CSMD1: variants seen among roughly 807,000 people sequenced by gnomAD.
CSMD1 encodes CUB and sushi domain-containing protein 1.
In CSMD1, 213 loss-of-function variants were observed where a neutral mutation model predicts 417.5. That is an observed-to-expected ratio of 0.51 (90% CI 0.46 to 0.57). The LOEUF is 0.57. CSMD1 is among the 20% of genes least tolerant of loss of function. CSMD1 has a pLI of 0.00. For synonymous variants in CSMD1, 2,862 were observed against 1,736.8 expected (o/e 1.65, Z -16.11); for missense variants, 6,923 against 4,529.7 (o/e 1.53, Z -15.17).
At chr8:4,400,764 T>TTG (rs909582857) in intron 3 of CSMD1, among the ~76,000 whole-genome samples, 12 of 147,624 alleles carry the variant, frequency 8.1e-5, no homozygotes, top group African/African-American at 3.0e-4. Context: ...CAGATCAGTT[T>TTG]TTTTTTTTTT....
intron 5 of CSMD1, among the ~76,000 whole-genome samples, chr8:3,923,378 A>C (rs1341600677): frequency 6.6e-6 from 1 of 151,840 alleles, no homozygotes; most frequent in Non-Finnish European, 1.5e-5. Context: ...TCCCATTGCA[A>C]TTTCCTTATT....
intron 41 of CSMD1, among the ~76,000 whole-genome samples, chr8:3,131,953 G>C (rs1359038730): frequency 6.6e-6 from 1 of 152,120 alleles, no homozygotes; most frequent in Non-Finnish European, 1.5e-5. Flanking sequence ...CTAAATTCAT[G>C]GTCTTAACAG....
chr8:4,628,433 TATACAC>T (rs1471314492), intron 2 of CSMD1, among the ~76,000 whole-genome samples: 10 of 67,472 alleles, frequency 1.5e-4, no homozygotes, highest in East Asian at 4.6e-4. Context: ...TATATACACA[TATACAC>T]ATATATACAC....
chr8:2,999,468 C>G (rs1297061559), intron 53 of CSMD1, among the ~76,000 whole-genome samples: 1 of 152,086 alleles, frequency 6.6e-6, no homozygotes, highest in East Asian at 1.9e-4. Flanking sequence ...TTACCTCTTT[C>G]AAGTAAAAGA....
intron 5 of CSMD1, among the ~76,000 whole-genome samples, chr8:3,926,267 C>A (rs1391821810): frequency 6.6e-6 from 1 of 152,156 alleles, no homozygotes; most frequent in African/African-American, 2.4e-5. Flanking sequence ...AATCCATGTC[C>A]TCTCTAACCA....
At chr8:3,847,655 G>C (rs1803600906) in intron 5 of CSMD1, among the ~76,000 whole-genome samples, 1 of 152,038 alleles carries the variant, frequency 6.6e-6, no homozygotes, top group Non-Finnish European at 1.5e-5. Context: ...ACTGCCTTCA[G>C]CTGCTGCATT....
At chr8:4,115,484 A>G (rs1180692707) in intron 3 of CSMD1, among the ~76,000 whole-genome samples, 1 of 152,096 alleles carries the variant, frequency 6.6e-6, no homozygotes, top group African/African-American at 2.4e-5. Flanking sequence ...CTTTAGACGT[A>G]TTTTTTTACA....
At chr8:3,939,204 A>C (rs146954648) in intron 5 of CSMD1, among the ~76,000 whole-genome samples, 1 of 152,182 alleles carries the variant, frequency 6.6e-6, no homozygotes, top group Non-Finnish European at 1.5e-5. Context: ...ACCCAACACA[A>C]AAGTAATTCA....
intron 7 of CSMD1, among the ~76,000 whole-genome samples, chr8:3,703,665 G>C (rs930962402): frequency 2.6e-5 from 4 of 152,182 alleles, no homozygotes; most frequent in African/African-American, 7.2e-5. Context: ...AGCAGAGGAA[G>C]AGATGAGCCT....
intron 11 of CSMD1, among the ~76,000 whole-genome samples, chr8:3,470,795 G>A (rs1024564269): frequency 2.6e-5 from 4 of 152,050 alleles, no homozygotes; most frequent in Non-Finnish European, 4.4e-5. Context: ...CCTGGGATTG[G>A]ATTTTACTTA....
At chr8:3,827,204 T>C (rs1025345001) in intron 5 of CSMD1, among the ~76,000 whole-genome samples, 3 of 152,128 alleles carry the variant, frequency 2.0e-5, no homozygotes, top group African/African-American at 7.2e-5. Context: ...TCCCAAAGAG[T>C]AGGGACAAAC....
intron 3 of CSMD1, among the ~76,000 whole-genome samples, chr8:4,129,898 C>A (rs1802992336): frequency 6.6e-6 from 1 of 152,034 alleles, no homozygotes; most frequent in Non-Finnish European, 1.5e-5. Flanking sequence ...TATAATATAT[C>A]CTTTTACTTC....
In CSMD1 at chr8:3,553,769, TTA is replaced by T. The variant is rs143540046; in HGVS notation, c.1344+21174_1344+21175del. 2.7e-3 allele frequency among the ~76,000 whole-genome samples: 417 copies of T among 152,346 alleles called. 2 individuals are homozygous for T. Among genetic ancestry groups the T allele is most frequent in the African/African-American group, 9.6e-3 (399 of 41,580 alleles). On this transcript the variant is annotated intron_variant, in intron 10 of 69. Coordinates refer to ENST00000635120, the MANE Select transcript of CSMD1 (RefSeq NM_033225.6). ...TAAATTAATAAATCTAGAGAGATGTTTATGTTTTATTAAGTGAAAAATAGGCA... is the reference window on the plus strand; with the variant it reads ...TAAATTAATAAATCTAGAGAGATGTTTGTTTTATTAAGTGAAAAATAGGCA...
intron 3 of CSMD1, among the ~76,000 whole-genome samples, chr8:4,219,335 A>C (rs1800879295): frequency 6.6e-6 from 1 of 152,160 alleles, no homozygotes; most frequent in South Asian, 2.1e-4. Flanking sequence ...TCACTTTCGT[A>C]ACTTGAGCTG....
chr8:4,207,167 A>T (rs1056180690), intron 3 of CSMD1, among the ~76,000 whole-genome samples: 10 of 152,184 alleles, frequency 6.6e-5, no homozygotes, highest in Non-Finnish European at 1.3e-4. Flanking sequence ...AGGTATAGTA[A>T]TAAGTATAAG....
At chr8:4,598,319 C>T (rs149202407) in intron 2 of CSMD1, among the ~76,000 whole-genome samples, 96 of 152,278 alleles carry the variant, frequency 6.3e-4, no homozygotes, top group African/African-American at 2.1e-3. Context: ...TGCTGAATTC[C>T]TAGCAGTCTA....
chr8:4,068,247 T>A (rs777817652), intron 3 of CSMD1, among the ~76,000 whole-genome samples: 8 of 152,216 alleles, frequency 5.3e-5, no homozygotes, highest in Middle Eastern at 6.8e-3. Context: ...GGAGAACCCC[T>A]CAAAGGTTGC....
intron 5 of CSMD1, among the ~76,000 whole-genome samples, chr8:3,835,153 AGTGTGGC>A (rs1802605469): frequency 6.8e-6 from 1 of 147,362 alleles, no homozygotes; most frequent in Admixed American, 6.6e-5. Flanking sequence ...TGTGGAAGTC[AGTGTGGC>A]GATTCCTCAG....
chr8:3,524,188 CACAT>C (rs1400506559), intron 10 of CSMD1, among the ~76,000 whole-genome samples: 1 of 151,210 alleles, frequency 6.6e-6, no homozygotes, highest in African/African-American at 2.4e-5. Context: ...TGCACATACT[CACAT>C]ATGCACACAC....
Sources: allele counts gnomAD v4.1 joint callset (sites outside exome capture counted in the v4.1 genomes callset), GRCh38; gene constraint gnomAD v4.1.1; transcripts MANE v1.5; gene names NCBI Gene and HGNC (gene_info 2026-07-23, HGNC 2026-07-21).